The following JAK2 variants were observed in gnomAD, a reference collection of about 807,000 sequenced individuals.
JAK2 encodes the protein Janus kinase 2, also known as tyrosine-protein kinase JAK2.
A neutral mutation model predicts 139.3 loss-of-function variants in JAK2; 86 were observed. That is an observed-to-expected ratio of 0.62 (90% confidence interval 0.52 to 0.74). The LOEUF is 0.74. Among genes scored for constraint, JAK2 ranks in the 30% least tolerant of loss-of-function variants. JAK2 has a pLI of 0.00. For missense variants in JAK2, 1,421 were observed against 1,360.3 expected (o/e 1.04, Z -0.70); for synonymous variants, 490 against 437.7 (o/e 1.12, Z -1.49).
chr9:5,029,465 G>C (rs765782299), intron 3 of JAK2, among the ~76,000 whole-genome samples: 2 of 152,158 alleles, frequency 1.3e-5, no homozygotes, highest in Non-Finnish European at 2.9e-5. Flanking sequence ...AAGTGAGCAC[G>C]TGCTGTTGGA....
At chr9:5,005,915 A>G (rs1351785155) in intron 2 of JAK2, among the ~76,000 whole-genome samples, 1 of 152,200 alleles carries the variant, frequency 6.6e-6, no homozygotes, top group African/African-American at 2.4e-5. Flanking sequence ...TATAGTTTGA[A>G]GTCAGGTAGC....
Position 5,054,546 on chromosome 9 carries a change from TGC to T in JAK2, c.615-16_615-15del. 6.5e-7 allele frequency: 1 copy of T among 1,539,680 alleles called. No individual in the cohort carries two copies. ...TTGTTTTGTTTTGTTTTTCTGTATG[TGC>T]TTTTTTATCCCTAGCTACAAGACAT... On this transcript the variant is annotated splice_polypyrimidine_tract_variant and intron_variant, in intron 6 of 24. Coordinates refer to ENST00000381652, the MANE Select transcript of JAK2 (RefSeq NM_004972.4). The surrounding 1 kb of genome is among the most constrained non-coding windows in gnomAD (Gnocchi z 4.9).
intron 2 of JAK2, among the ~76,000 whole-genome samples, chr9:4,998,542 A>G (rs566425096): frequency 6.6e-6 from 1 of 152,274 alleles, no homozygotes; most frequent in Non-Finnish European, 1.5e-5. Flanking sequence ...GGCATGAGCC[A>G]CCATGCCCGG....
chr9:5,027,305 T>A (rs1822843170), intron 3 of JAK2, among the ~76,000 whole-genome samples: 1 of 152,240 alleles, frequency 6.6e-6, no homozygotes, highest in Non-Finnish European at 1.5e-5. Flanking sequence ...CCAGTGCATA[T>A]AAAAGTTATG....
rs1323722752 is a variant in JAK2, at chr9:5,025,555, A to C, written c.226+3342A>C. Among the ~76,000 whole-genome samples the C allele has an allele frequency of 4.8e-5, 6 of 124,496 alleles. No individual in the cohort carries two copies. The Admixed American group carries it at 5.1e-4, about 11-fold the overall frequency. 81.7% of individuals were successfully genotyped at this position (124,496 alleles called of 152,430 possible). On this transcript the variant is annotated intron_variant, in intron 3 of 24. Transcript: ENST00000381652. The stretch of plus-strand genomic sequence containing the variant: ...TTTGTTTCCTTTTTTTTTTTTTGAG[A>C]CTGAGTCTTGCTCTGTTGCCCAGGC...
intron 22 of JAK2, among the ~76,000 whole-genome samples, chr9:5,104,360 C>T (rs1401121502): frequency 6.6e-6 from 1 of 152,124 alleles, no homozygotes; most frequent in Non-Finnish European, 1.5e-5. Flanking sequence ...CAAGACTAAA[C>T]CAGGAAGAAG....
Position 5,078,437 on chromosome 9 carries a change from A to G in JAK2, c.2124A>G (p.Pro708=). The G allele has an allele frequency of 6.2e-7, 1 of 1,612,066 alleles. No individual in the cohort carries two copies. The highest frequency in any genetic ancestry group is 1.7e-4 in the Middle Eastern group (1 of 5,990). ...SDPGISITVL[P]KDILQERIPW... is the part of the protein sequence containing the mutation. ...CTGGCATTAGTATTACAGTTTTGCCAAAGGACAGTAAGTTCTAGAAGGATT... is the reference window on the plus strand; with the variant it reads ...CTGGCATTAGTATTACAGTTTTGCCGAAGGACAGTAAGTTCTAGAAGGATT... Residue 708 remains proline (P), a synonymous_variant, in exon 16 of 25, where the codon CCA becomes CCG. Transcript: ENST00000381652.
chr9:5,110,958 G>A (rs780164406), intron 22 of JAK2: 37 of 598,280 alleles, frequency 6.2e-5, no homozygotes, highest in Non-Finnish European at 9.7e-5. Flanking sequence ...CGGACAAGGA[G>A]CTCAGTAACC....
chr9:5,107,724 C>G (rs908223013), intron 22 of JAK2, among the ~76,000 whole-genome samples: 7 of 152,088 alleles, frequency 4.6e-5, no homozygotes, highest in Non-Finnish European at 8.8e-5. Context: ...AATATCATCC[C>G]TATGTGCCTA....
At chr9:5,070,471 G>C (rs1818883253) in intron 12 of JAK2, among the ~76,000 whole-genome samples, 1 of 152,106 alleles carries the variant, frequency 6.6e-6, no homozygotes, top group Non-Finnish European at 1.5e-5. Context: ...ACCAAAATCT[G>C]AGGATACTTA....
chr9:5,008,949 G>A (rs895491416), intron 2 of JAK2, among the ~76,000 whole-genome samples: 3 of 151,962 alleles, frequency 2.0e-5, no homozygotes, highest in Non-Finnish European at 4.4e-5. Flanking sequence ...CTAGGACCTG[G>A]GAGTTTGTCT....
chr9:5,119,959 C>A (rs1440657039), intron 22 of JAK2, among the ~76,000 whole-genome samples: 2 of 152,058 alleles, frequency 1.3e-5, no homozygotes, highest in African/African-American at 4.8e-5. Flanking sequence ...TAAGTTTGAG[C>A]TAACTTATTG....
In JAK2 at chr9:5,128,097, T is replaced by TGTGC. The variant is rs1488440282; in HGVS notation, c.*1309_*1310insCGTG. On this transcript the variant is annotated 3_prime_UTR_variant, in exon 25 of 25. Transcript: ENST00000381652. ...GGTGGGTTTTGTGTGTGTGTGTGTG[T>TGTGC]GTGTGTGTGTGTGTGTGTGTGTGTT... 143 of 231,800 alleles carry TGTGC rather than the reference T, an allele frequency of 6.2e-4. No homozygotes were observed. The highest frequency in any genetic ancestry group is 3.0e-3 in the African/African-American group (134 of 45,146). The allele number at this position is 231,800 out of a possible 1,614,324, so 14.4% of individuals were successfully genotyped here.
At position 5,064,887 on chromosome 9, in the gene JAK2, T is replaced by A. The variant is rs371907546; in HGVS notation, c.1061T>A (p.Ile354Asn). 5 of 1,571,648 alleles carry A rather than the reference T, an allele frequency of 3.2e-6. No individual in the cohort carries two copies. The highest frequency in any genetic ancestry group is 4.3e-6 in the Non-Finnish European group (5 of 1,159,890). Residue 354 changes from isoleucine to asparagine, a missense_variant, in exon 9 of 25, where the codon ATT (isoleucine) becomes AAT (asparagine). By Grantham distance (149) the Ile-to-Asn change is moderately radical. Transcript: ENST00000381652. The stretch of plus-strand genomic sequence containing the variant: ...CTTTTTCTTTTCTCTGCTTAGGAAA[T>A]TGAACTTAGCTCATTAAGGGAAGCT... Reference protein sequence around the residue: ...IHKQDGKNLEIELSSLREALS... With the variant: ...IHKQDGKNLENELSSLREALS...
chr9:5,029,744 G>T, intron 3 of JAK2, 39 bp from the exon 4 acceptor site: 2 of 1,564,270 alleles, frequency 1.3e-6, no homozygotes, highest in Admixed American at 3.7e-5. Flanking sequence ...ATATTCTGTT[G>T]TGTACCTTTA....
chr9:5,105,162 GTCA>G (rs2130768197), intron 22 of JAK2, among the ~76,000 whole-genome samples: 1 of 152,186 alleles, frequency 6.6e-6, no homozygotes, highest in African/African-American at 2.4e-5. Flanking sequence ...AGAAAACTTG[GTCA>G]TCTCAGCCCC....
intron 22 of JAK2, among the ~76,000 whole-genome samples, chr9:5,116,045 C>CT (rs1361755128): frequency 1.3e-5 from 2 of 151,814 alleles, no homozygotes; most frequent in African/African-American, 4.8e-5. Context: ...TATCCCAAAA[C>CT]TTAAAGTATA....
chr9:5,085,287 G>GT, intron 19 of JAK2: 1 of 710,844 alleles, frequency 1.4e-6, no homozygotes, highest in South Asian at 1.4e-5. Context: ...GTTTGCCTAT[G>GT]TTAGAACATG....
At chr9:5,029,691 T>C (rs1386566836) in intron 3 of JAK2, 92 bp from the exon 4 acceptor site, 1 of 1,164,170 alleles carries the variant, frequency 8.6e-7, no homozygotes, top group African/African-American at 1.6e-5. Flanking sequence ...ATTTTAAGAG[T>C]TGTTACTTTA....
Sources: allele counts gnomAD v4.1 joint callset (sites outside exome capture counted in the v4.1 genomes callset), GRCh38; gene constraint gnomAD v4.1.1; non-coding constraint Gnocchi (gnomAD v3.1); transcripts MANE v1.5; gene names NCBI Gene and HGNC (gene_info 2026-07-23, HGNC 2026-07-21).